Variants in CRIM1 observed in about 807,000 individuals in gnomAD.
CRIM1 encodes cysteine rich transmembrane BMP regulator 1.
A neutral mutation model predicts 116.4 loss-of-function variants in CRIM1; 32 were observed. The observed-to-expected ratio is 0.27, with a 90% CI of 0.21 to 0.37. The LOEUF (loss-of-function observed/expected upper bound fraction) is 0.37. Ranked by LOEUF, CRIM1 falls within the 10% of genes least tolerant of loss-of-function variation. The pLI, the probability that CRIM1 is intolerant of heterozygous loss-of-function variation, is 1.00. For missense variants in CRIM1, 1,331 were observed against 1,354.8 expected, an observed-to-expected ratio of 0.98 and a Z score of 0.28; for synonymous variants, 590 against 509.2, an observed-to-expected ratio of 1.16 and a Z score of -2.13.
intron 4 of CRIM1, among the ~76,000 whole-genome samples, chr2:36,460,902 T>C (rs1677530087): frequency 6.6e-6 from 1 of 152,138 alleles, no homozygotes; most frequent in African/African-American, 2.4e-5. Context: ...GAAAGACAAC[T>C]GGGCATAAGG....
intron 1 of CRIM1, among the ~76,000 whole-genome samples, chr2:36,384,934 A>G (rs1224553868): frequency 1.3e-5 from 2 of 152,244 alleles, no homozygotes; most frequent in South Asian, 2.1e-4. Flanking sequence ...ACTTCCACTT[A>G]AGATGAAACT....
At chr2:36,430,950 A>G (rs1030953505) in intron 2 of CRIM1, among the ~76,000 whole-genome samples, 8 of 152,206 alleles carry the variant, frequency 5.3e-5, no homozygotes, top group Non-Finnish European at 1.0e-4. Context: ...AATTACCTAT[A>G]TAAGGCTGCT....
intron 12 of CRIM1, among the ~76,000 whole-genome samples, chr2:36,519,153 G>A (rs550186594): frequency 6.6e-6 from 1 of 152,310 alleles, no homozygotes; most frequent in South Asian, 2.1e-4. Context: ...ACTGGGGGAG[G>A]AAATGCCTCC....
Position 36,479,606 on chromosome 2 carries a change from C to A in CRIM1, c.1284C>A (p.Asn428Lys). The A allele has an allele frequency of 6.2e-7, 1 of 1,614,220 alleles. No homozygotes were observed. Among genetic ancestry groups the A allele is most frequent in the Non-Finnish European group, 8.5e-7 (1 of 1,180,024 alleles). Residue 428 changes from asparagine to lysine, a missense_variant, in exon 7 of 17, where the codon AAC (asparagine) becomes AAA (lysine). Transcript: ENST00000280527. Reference protein sequence around the residue: ...EDDCTFCQCVNGERHCVATVC... With the variant: ...EDDCTFCQCVKGERHCVATVC... ...ACTGCACATTCTGCCAGTGCGTCAACGGTGAACGCCACTGCGTTGCGACCG... is the reference window on the plus strand; with the variant it reads ...ACTGCACATTCTGCCAGTGCGTCAAAGGTGAACGCCACTGCGTTGCGACCG...
chr2:36,483,151 C>G (rs192075184), intron 7 of CRIM1, among the ~76,000 whole-genome samples: 141 of 152,276 alleles, frequency 9.3e-4, no homozygotes, highest in African/African-American at 3.3e-3. Context: ...GCTTTGTTGA[C>G]TTTTCTCTAC....
intron 2 of CRIM1, among the ~76,000 whole-genome samples, chr2:36,440,539 T>C (rs1675729839): frequency 2.0e-5 from 3 of 152,232 alleles, no homozygotes. Flanking sequence ...TCGTAAAATC[T>C]GAGTAAACCC....
At chr2:36,544,166 A>C (rs12712508) in intron 14 of CRIM1, among the ~76,000 whole-genome samples, 1 of 151,974 alleles carries the variant, frequency 6.6e-6, no homozygotes, top group East Asian at 1.9e-4. Flanking sequence ...GAATTCTTTC[A>C]TCTTTTAAAT....
chr2:36,441,356 G>C lies in CRIM1; in HGVS notation c.604G>C (p.Glu202Gln), dbSNP rs1197399931. ...GATCGAGGGTTATGCTCCTCCTGGG[G>C]AGTGCTGTCCCTTACCCAGCCGCTG... Reference protein sequence around the residue: ...VLIEGYAPPGECCPLPSRCVC... With the variant: ...VLIEGYAPPGQCCPLPSRCVC... The change falls in exon 3 of 17, where the codon GAG becomes CAG. Residue 202 changes from glutamate (E) to glutamine (Q), a missense_variant. Transcript: ENST00000280527. The C allele has an allele frequency of 4.3e-6, 7 of 1,614,064 alleles. No individual in the cohort carries two copies. Among genetic ancestry groups the C allele is most frequent in the Non-Finnish European group, 5.9e-6 (7 of 1,180,042 alleles).
chr2:36,418,895 C>G (rs1407701331), intron 2 of CRIM1, among the ~76,000 whole-genome samples: 1 of 152,054 alleles, frequency 6.6e-6, no homozygotes, highest in African/African-American at 2.4e-5. Context: ...GATGATGGTC[C>G]CAGCGCTGTC....
At chr2:36,527,640 T>C (rs1665843254) in intron 13 of CRIM1, among the ~76,000 whole-genome samples, 3 of 152,230 alleles carry the variant, frequency 2.0e-5, no homozygotes, top group African/African-American at 7.2e-5. Context: ...TATTTAAACA[T>C]AACTCTACTA....
chr2:36,374,031 C>T (rs1474678998), intron 1 of CRIM1, among the ~76,000 whole-genome samples: 1 of 152,178 alleles, frequency 6.6e-6, no homozygotes, highest in African/African-American at 2.4e-5. Flanking sequence ...TCCTGTGTCT[C>T]CTCTTCGGCA....
At chr2:36,547,547 G>A (rs1667439047) in intron 16 of CRIM1, among the ~76,000 whole-genome samples, 1 of 152,094 alleles carries the variant, frequency 6.6e-6, no homozygotes, top group South Asian at 2.1e-4. Flanking sequence ...AATTGGGAGA[G>A]AAAAAAAGTC....
intron 7 of CRIM1, among the ~76,000 whole-genome samples, chr2:36,482,096 C>A (rs1043546753): frequency 3.3e-5 from 5 of 152,206 alleles, no homozygotes; most frequent in Non-Finnish European, 7.3e-5. Context: ...CAGAGCTCAG[C>A]ATCCTTGTCA....
intron 15 of CRIM1, among the ~76,000 whole-genome samples, chr2:36,546,329 C>G (rs1321199160): frequency 6.6e-6 from 1 of 152,100 alleles, no homozygotes; most frequent in Non-Finnish European, 1.5e-5. Flanking sequence ...ACATAAAGGT[C>G]ATCATTCATA....
At chr2:36,499,753 T>A (rs1290579633) in intron 8 of CRIM1, among the ~76,000 whole-genome samples, 3 of 152,336 alleles carry the variant, frequency 2.0e-5, no homozygotes, top group Middle Eastern at 6.8e-3. Context: ...ACCCCAGCTT[T>A]GCCTCCATGC....
intron 1 of CRIM1, among the ~76,000 whole-genome samples, chr2:36,389,862 A>G (rs1380269206): frequency 1.3e-5 from 2 of 152,170 alleles, no homozygotes; most frequent in Non-Finnish European, 2.9e-5. Context: ...CACTCAGGCT[A>G]GTGTTGCCAC....
chr2:36,545,616 T>G (rs1379859728), intron 15 of CRIM1, among the ~76,000 whole-genome samples: 1 of 152,198 alleles, frequency 6.6e-6, no homozygotes, highest in Non-Finnish European at 1.5e-5. Context: ...GATAGTTGTT[T>G]CCGTTTTTGG....
At chr2:36,521,859 G>A (rs899669364) in intron 12 of CRIM1, among the ~76,000 whole-genome samples, 6 of 152,158 alleles carry the variant, frequency 3.9e-5, no homozygotes, top group Non-Finnish European at 7.4e-5. Context: ...AAGAAAGAGC[G>A]GATGTTATAT....
intron 8 of CRIM1, among the ~76,000 whole-genome samples, chr2:36,509,513 C>T (rs955087587): frequency 1.3e-4 from 20 of 151,988 alleles, no homozygotes; most frequent in African/African-American, 4.3e-4. Flanking sequence ...AATGACAGAG[C>T]GAGAGATTCT....
Sources: allele counts gnomAD v4.1 joint callset (sites outside exome capture counted in the v4.1 genomes callset), GRCh38; gene constraint gnomAD v4.1.1; transcripts MANE v1.5; gene names NCBI Gene and HGNC (gene_info 2026-07-23, HGNC 2026-07-21).